ST7: variants seen among roughly 807,000 people sequenced by gnomAD.
ST7 encodes suppression of tumorigenicity 7.
In ST7, 28 loss-of-function variants were observed where a neutral mutation model predicts 78.7. The observed-to-expected ratio is 0.36, with a 90% CI of 0.26 to 0.49. The LOEUF (loss-of-function observed/expected upper bound fraction) is 0.49, where lower values mean the gene tolerates loss of function less well. Among genes scored for constraint, ST7 ranks in the 20% least tolerant of loss-of-function variants. The probability of loss-of-function intolerance (pLI) is 0.99; values close to 1 mark genes in which losing one functional copy is unlikely to be tolerated. For missense variants in ST7, 418 were observed against 696.0 expected, an observed-to-expected ratio of 0.60 and a Z score of 4.49; for synonymous variants, 247 against 249.6, an observed-to-expected ratio of 0.99 and a Z score of 0.10.
intron 12 of ST7, among the ~76,000 whole-genome samples, chr7:117,194,863 C>G (rs892437427): frequency 6.6e-6 from 1 of 152,158 alleles, no homozygotes; most frequent in Non-Finnish European, 1.5e-5. Context: ...CTACACAGAC[C>G]TGGGTTAACC....
chr7:117,012,283 A>T lies in ST7; in HGVS notation c.151+58592A>T, dbSNP rs368675701. Among the ~76,000 whole-genome samples, 215 of 142,366 alleles carry T rather than the reference A, an allele frequency of 1.5e-3. 1 individual carries two copies. The Middle Eastern group carries it at 0.018, about 12-fold the overall frequency. The allele number at this position is 142,366 out of a possible 152,430, so 93.4% of individuals were successfully genotyped here. ...ATTGGAAAGAACCTAGTTTTTTGAA[A>T]TTTTTTTTTTTTTTTTGGCTTCCGT... On this transcript the variant is annotated intron_variant, in intron 1 of 15. Transcript: ENST00000323984.
intron 7 of ST7, 72 bp downstream of exon 7, chr7:117,134,264 C>T (rs1804603803): frequency 1.9e-6 from 3 of 1,596,886 alleles, no homozygotes; most frequent in Non-Finnish European, 2.6e-6. Context: ...GGATGGTTGA[C>T]ACCCCCATCA....
At chr7:117,087,322 A>G (rs1233174839) in intron 1 of ST7, among the ~76,000 whole-genome samples, 1 of 152,216 alleles carries the variant, frequency 6.6e-6, no homozygotes, top group Non-Finnish European at 1.5e-5. Context: ...TTATTTTGTC[A>G]TGTAATCTCG....
intron 12 of ST7, among the ~76,000 whole-genome samples, chr7:117,205,592 G>A (rs190132675): frequency 6.6e-6 from 1 of 152,222 alleles, no homozygotes; most frequent in East Asian, 1.9e-4. Flanking sequence ...AGCCACCCAA[G>A]GTAGCCTCTA....
chr7:117,039,665 A>T (rs182439961), intron 1 of ST7, among the ~76,000 whole-genome samples: 3 of 152,026 alleles, frequency 2.0e-5, no homozygotes, highest in African/African-American at 7.2e-5. Flanking sequence ...TCTGCCTTTT[A>T]TGTAGGAAAA....
intron 1 of ST7, among the ~76,000 whole-genome samples, chr7:116,965,313 C>T (rs1198673069): frequency 1.4e-5 from 2 of 142,092 alleles, no homozygotes; most frequent in Non-Finnish European, 3.0e-5. Flanking sequence ...GCACTCCAGC[C>T]TGGGCGACTG....
At chr7:117,083,669 A>C (rs1282042724) in intron 1 of ST7, among the ~76,000 whole-genome samples, 2 of 152,216 alleles carry the variant, frequency 1.3e-5, no homozygotes, top group Non-Finnish European at 2.9e-5. Context: ...ATTAGCACAC[A>C]ATATAGAGTT....
At chr7:117,149,592 CTTTTTTTTT>C (rs59067333) in intron 9 of ST7, among the ~76,000 whole-genome samples, 1 of 83,942 alleles carries the variant, frequency 1.2e-5, no homozygotes, top group African/African-American at 4.8e-5. Flanking sequence ...CGTGTCCTAC[CTTTTTTTTT>C]TTTTTTTTTT....
intron 1 of ST7, among the ~76,000 whole-genome samples, chr7:117,069,485 A>C (rs1584560994): frequency 6.6e-6 from 1 of 152,244 alleles, no homozygotes; most frequent in East Asian, 1.9e-4. Context: ...TGGACATTCC[A>C]AATAGGAGCT....
intron 4 of ST7, 88 bp downstream of exon 4, chr7:117,129,935 T>A: frequency 9.8e-7 from 1 of 1,018,928 alleles, no homozygotes; most frequent in Admixed American, 2.2e-5. Context: ...CATTTAGGGG[T>A]CATTGTAACA....
chr7:117,161,436 CTTTTA>C (rs1007104154), intron 9 of ST7, among the ~76,000 whole-genome samples: 55 of 151,596 alleles, frequency 3.6e-4, no homozygotes, highest in African/African-American at 1.2e-3. Context: ...ACCTTCTTTT[CTTTTA>C]TTTATTTTTT....
chr7:117,079,968 CTTTTTT>C (rs34326752), intron 1 of ST7, among the ~76,000 whole-genome samples: 4 of 65,438 alleles, frequency 6.1e-5, no homozygotes, highest in Admixed American at 1.9e-4. Context: ...TTTGTCATTC[CTTTTTT>C]TTTTTTTTTT....
intron 10 of ST7, among the ~76,000 whole-genome samples, chr7:117,171,303 T>A (rs193565): frequency 0.13 from 19,212 of 152,098 alleles, 2,288 homozygotes; most frequent in African/African-American, 0.31. Flanking sequence ...GCAGTACCTA[T>A]CCTGTAGGGG....
intron 1 of ST7, among the ~76,000 whole-genome samples, chr7:117,038,424 CTT>C (rs1354128720): frequency 3.3e-5 from 5 of 151,914 alleles, no homozygotes; most frequent in African/African-American, 1.2e-4. Flanking sequence ...TTGTGGATGT[CTT>C]AATACCAATA....
intron 1 of ST7, among the ~76,000 whole-genome samples, chr7:117,078,347 T>A (rs1182048189): frequency 6.6e-6 from 1 of 152,262 alleles, no homozygotes; most frequent in African/African-American, 2.4e-5. Context: ...AAAACTATAA[T>A]TATGTTTTTA....
chr7:117,089,760 C>T (rs1011445537), intron 1 of ST7, among the ~76,000 whole-genome samples: 2 of 151,814 alleles, frequency 1.3e-5, no homozygotes, highest in South Asian at 2.1e-4. Flanking sequence ...TTAGTAGAGA[C>T]GGGGTTTCAC....
At chr7:117,152,151 A>T (rs552725730) in intron 9 of ST7, among the ~76,000 whole-genome samples, 61 of 133,682 alleles carry the variant, frequency 4.6e-4, no homozygotes, top group South Asian at 1.2e-3. Context: ...TATATATATA[A>T]AATATATGTA....
intron 2 of ST7, among the ~76,000 whole-genome samples, chr7:117,114,131 G>T (rs529146567): frequency 6.6e-6 from 1 of 152,160 alleles, no homozygotes; most frequent in South Asian, 2.1e-4. Context: ...GGAACAGGTG[G>T]CTGCAGAGGG....
chr7:117,211,863 T>G (rs915955664), intron 13 of ST7, among the ~76,000 whole-genome samples: 5 of 152,090 alleles, frequency 3.3e-5, no homozygotes, highest in African/African-American at 1.2e-4. Context: ...AATAGTTGTA[T>G]GGGGATTTAA....
Sources: allele counts gnomAD v4.1 joint callset (sites outside exome capture counted in the v4.1 genomes callset), GRCh38; gene constraint gnomAD v4.1.1; transcripts MANE v1.5; gene names NCBI Gene and HGNC (gene_info 2026-07-23, HGNC 2026-07-21).